Variants in ADORA2B observed in about 807,000 individuals in gnomAD.
ADORA2B encodes the protein adenosine receptor A2b.
Under a neutral mutation model 20.8 loss-of-function variants are expected in ADORA2B, and 18 were observed. The observed-to-expected ratio is 0.87, with a 90% CI of 0.60 to 1.29. ADORA2B has a LOEUF of 1.29. Ranked by LOEUF, ADORA2B falls within the 50% of genes most tolerant of loss-of-function variation. The probability of loss-of-function intolerance (pLI) is 0.00; values close to 1 mark genes in which losing one functional copy is unlikely to be tolerated. For synonymous variants in ADORA2B, 179 were observed against 178.3 expected (o/e 1.00, Z -0.03); for missense variants, 441 against 422.7 (o/e 1.04, Z -0.38).
upstream of ADORA2B, among the ~76,000 whole-genome samples, chr17:15,941,169 C>G (rs975881787): frequency 1.3e-5 from 2 of 152,186 alleles, no homozygotes; most frequent in African/African-American, 4.8e-5. Flanking sequence ...TTCTAGGGCT[C>G]TAGTCCTAAC....
the ADORA2B span, among the ~76,000 whole-genome samples, chr17:15,903,374 A>G: frequency 6.6e-6 from 1 of 152,220 alleles, no homozygotes; most frequent in South Asian, 2.1e-4. Flanking sequence ...TTCTGTGGTT[A>G]CCCACTTTAG....
chr17:15,957,556 C>T (rs922572197), intron 1 of ADORA2B, among the ~76,000 whole-genome samples: 2 of 152,102 alleles, frequency 1.3e-5, no homozygotes, highest in African/African-American at 4.8e-5. Flanking sequence ...TTTCCGGTCG[C>T]CTGGGTGATG....
At chr17:15,897,406 A>G in the ADORA2B span, among the ~76,000 whole-genome samples, 1 of 152,126 alleles carries the variant, frequency 6.6e-6, no homozygotes, top group African/African-American at 2.4e-5. Flanking sequence ...TGTCTCTACA[A>G]AACATTTAAA....
chr17:15,859,893 G>T, the ADORA2B span, among the ~76,000 whole-genome samples: 1 of 152,206 alleles, frequency 6.6e-6, no homozygotes, highest in Admixed American at 6.5e-5. Flanking sequence ...TAAGGGAGGA[G>T]ACCACCCCTC....
chr17:15,908,937 T>G, the ADORA2B span, among the ~76,000 whole-genome samples: 12,999 of 152,146 alleles, frequency 0.085, 1,569 homozygotes, highest in African/African-American at 0.27. Context: ...ATTGGGTGAA[T>G]GAACACATCA....
At chr17:15,889,355 A>AT in the ADORA2B span, among the ~76,000 whole-genome samples, 1 of 129,542 alleles carries the variant, frequency 7.7e-6, no homozygotes, top group African/African-American at 3.3e-5. Context: ...AAATCTATTA[A>AT]TTTGCTATTT....
At chr17:15,961,253 G>C (rs1314673224) in intron 1 of ADORA2B, among the ~76,000 whole-genome samples, 1 of 151,830 alleles carries the variant, frequency 6.6e-6, no homozygotes, top group Non-Finnish European at 1.5e-5. Flanking sequence ...TTCAGCCTGG[G>C]CAACAGAGTG....
At chr17:15,877,659 A>C in the ADORA2B span, among the ~76,000 whole-genome samples, 3 of 152,132 alleles carry the variant, frequency 2.0e-5, no homozygotes, top group African/African-American at 7.2e-5. Flanking sequence ...TTGTGCCTCA[A>C]CTGCTCAATA....
At chr17:15,911,061 A>C in the ADORA2B span, among the ~76,000 whole-genome samples, 1 of 152,236 alleles carries the variant, frequency 6.6e-6, no homozygotes, top group African/African-American at 2.4e-5. Flanking sequence ...GCACAGCTGC[A>C]TGGAGAACCA....
the ADORA2B span, among the ~76,000 whole-genome samples, chr17:15,887,277 T>G: frequency 7.7e-6 from 1 of 130,472 alleles, no homozygotes; most frequent in African/African-American, 3.3e-5. Context: ...CTGTCTCCTC[T>G]TTCCCAGTCT....
At chr17:15,937,682 T>C in the ADORA2B span, among the ~76,000 whole-genome samples, 2 of 151,936 alleles carry the variant, frequency 1.3e-5, no homozygotes, top group Non-Finnish European at 2.9e-5. Context: ...AAGCGATTAT[T>C]CTGCCTCAGC....
At chr17:15,903,434 A>T in the ADORA2B span, among the ~76,000 whole-genome samples, 1 of 152,226 alleles carries the variant, frequency 6.6e-6, no homozygotes, top group African/African-American at 2.4e-5. Flanking sequence ...TTCACCTTTT[A>T]TGTAAATTGG....
chr17:15,966,229 G>A (rs1970113528), intron 1 of ADORA2B, among the ~76,000 whole-genome samples: 1 of 152,216 alleles, frequency 6.6e-6, no homozygotes. Flanking sequence ...TTTAAGAAGC[G>A]GCAGTAGAAC....
chr17:15,877,698 A>G, the ADORA2B span, among the ~76,000 whole-genome samples: 2 of 151,860 alleles, frequency 1.3e-5, no homozygotes, highest in African/African-American at 4.8e-5. Context: ...TTCATTTTAT[A>G]CTCTGGTGTG....
the ADORA2B span, among the ~76,000 whole-genome samples, chr17:15,895,247 A>T: frequency 8.3e-3 from 1,257 of 152,338 alleles, 10 homozygotes; most frequent in Middle Eastern, 0.041. Context: ...ATCTAAAATA[A>T]TGTTTGGCCA....
At chr17:15,884,641 A>C in the ADORA2B span, among the ~76,000 whole-genome samples, 3 of 151,808 alleles carry the variant, frequency 2.0e-5, no homozygotes, top group African/African-American at 7.3e-5. Flanking sequence ...GCATCATTCA[A>C]CTCCCACTTA....
chr17:15,876,449 C>CTTTTTTTTTTTTTTTTTT, the ADORA2B span, among the ~76,000 whole-genome samples: 1 of 119,300 alleles, frequency 8.4e-6, no homozygotes, highest in Non-Finnish European at 1.7e-5. Context: ...TTTCTTTTTT[C>CTTTTTTTTTTTTTTTTTT]TTTTTTTTTT....
chr17:15,970,739 G>A (rs1055934745), intron 1 of ADORA2B, among the ~76,000 whole-genome samples: 1 of 152,218 alleles, frequency 6.6e-6, no homozygotes, highest in Non-Finnish European at 1.5e-5. Flanking sequence ...ATATGGAGCT[G>A]TGATGGTTCT....
the ADORA2B span, among the ~76,000 whole-genome samples, chr17:15,880,261 A>T: frequency 7.5e-6 from 1 of 133,282 alleles, no homozygotes; most frequent in African/African-American, 3.0e-5. Flanking sequence ...CTAAGAGATT[A>T]TGTCGAACCA....
Sources: allele counts gnomAD v4.1 joint callset (sites outside exome capture counted in the v4.1 genomes callset), GRCh38; gene constraint gnomAD v4.1.1; transcripts MANE v1.5; gene names NCBI Gene and HGNC (gene_info 2026-07-23, HGNC 2026-07-21).